DGCR2: variants seen among roughly 807,000 people sequenced by gnomAD.
DGCR2 encodes the protein integral membrane protein DGCR2/IDD.
Under a neutral mutation model 51.6 loss-of-function variants are expected in DGCR2, and 24 were observed. That is an observed-to-expected ratio of 0.47 (90% CI 0.34 to 0.65). DGCR2 has a LOEUF of 0.65. Ranked by LOEUF, DGCR2 falls within the 30% of genes least tolerant of loss-of-function variation. DGCR2 has a pLI of 0.01. For synonymous variants in DGCR2, 340 were observed against 315.4 expected, an observed-to-expected ratio of 1.08 and a Z score of -0.82; for missense variants, 765 against 772.1, an observed-to-expected ratio of 0.99 and a Z score of 0.11.
intron 2 of DGCR2, among the ~76,000 whole-genome samples, chr22:19,076,716 C>T (rs1172403504): frequency 6.9e-6 from 1 of 145,188 alleles, no homozygotes; most frequent in Non-Finnish European, 1.5e-5. Flanking sequence ...TACTCAAGTC[C>T]TTTGCACATT....
chr22:19,067,361 C>G (rs899966313), intron 3 of DGCR2, among the ~76,000 whole-genome samples: 2 of 152,106 alleles, frequency 1.3e-5, no homozygotes, highest in African/African-American at 2.4e-5. Flanking sequence ...ATTTCAATGT[C>G]ATAGGTAATT....
intron 2 of DGCR2, among the ~76,000 whole-genome samples, chr22:19,087,977 C>A (rs916977938): frequency 6.6e-6 from 1 of 152,214 alleles, no homozygotes; most frequent in African/African-American, 2.4e-5. Flanking sequence ...AGCCTTCGCA[C>A]CCTGCCTAAA....
At position 19,122,320 on chromosome 22, in the gene DGCR2, G is replaced by C; in HGVS notation, c.-114C>G. 1 of 856,430 alleles carries C rather than the reference G, an allele frequency of 1.2e-6. No individual in the cohort carries two copies. Among genetic ancestry groups the C allele is most frequent in the Non-Finnish European group, 1.7e-6 (1 of 603,260 alleles). The allele number at this position is 856,430 out of a possible 1,614,324, so 53.1% of individuals were successfully genotyped here. A position where few individuals can be genotyped will look rare whatever the true frequency, so the allele number is the denominator to read the frequency against. On this transcript the variant is annotated 5_prime_UTR_variant, in exon 1 of 10. Coordinates refer to ENST00000263196, the MANE Select transcript of DGCR2 (RefSeq NM_005137.3). ...GCGGAGCTGAACCTGGGCGAGGCGC[G>C]GAGAGGCGGCGGGAAAGAGCTTCGG...
intron 5 of DGCR2, among the ~76,000 whole-genome samples, chr22:19,060,402 C>T (rs1245982696): frequency 6.6e-6 from 1 of 152,232 alleles, no homozygotes; most frequent in African/African-American, 2.4e-5. Context: ...CACACACCTC[C>T]TGACCTCAGC....
At chr22:19,121,398 T>C (rs1471452576) in intron 1 of DGCR2, 5 of 151,998 alleles carry the variant, frequency 3.3e-5, no homozygotes, top group Non-Finnish European at 7.4e-5. Context: ...GGCCCTGCAT[T>C]TAGGGAGTTT....
chr22:19,081,172 T>C (rs2082931956), intron 2 of DGCR2, among the ~76,000 whole-genome samples: 1 of 152,238 alleles, frequency 6.6e-6, no homozygotes, highest in African/African-American at 2.4e-5. Context: ...AGAATGTATG[T>C]AGCACACATG....
rs2083443040 is a variant in DGCR2, at chr22:19,122,234, G to A, written c.-28C>T. ...ATCCTCCGTTCATCGTCCCCGGGGC[G>A]GCTGGAAGGCCGGACCAGGCCGGAC... On this transcript the variant is annotated 5_prime_UTR_variant, in exon 1 of 10. Coordinates refer to ENST00000263196, the MANE Select transcript of DGCR2 (RefSeq NM_005137.3). 1.7e-6 allele frequency: 2 copies of A among 1,172,972 alleles called. No homozygotes were observed. Among genetic ancestry groups the A allele is most frequent in the Non-Finnish European group, 2.3e-6 (2 of 882,976 alleles). The allele number at this position is 1,172,972 out of a possible 1,614,324, so 72.7% of individuals were successfully genotyped here.
intron 1 of DGCR2, among the ~76,000 whole-genome samples, chr22:19,115,698 T>C (rs1382031051): frequency 3.9e-5 from 6 of 152,240 alleles, no homozygotes; most frequent in Non-Finnish European, 8.8e-5. Flanking sequence ...GAGCAAAACG[T>C]GTATGAACAA....
chr22:19,075,911 A>T (rs1005842242), intron 2 of DGCR2, among the ~76,000 whole-genome samples: 33 of 152,170 alleles, frequency 2.2e-4, no homozygotes, highest in African/African-American at 7.7e-4. Context: ...TCTCTCTTCA[A>T]GTCTCTGCTT....
intron 2 of DGCR2, 49 bp downstream of exon 2, chr22:19,089,319 A>C: frequency 6.6e-7 from 1 of 1,517,942 alleles, no homozygotes; most frequent in Non-Finnish European, 8.9e-7. Context: ...TCACCCAGCT[A>C]CAACAAAGAG....
At chr22:19,056,436 G>A in intron 6 of DGCR2, 1 of 529,234 alleles carries the variant, frequency 1.9e-6, no homozygotes, top group East Asian at 4.3e-5. Context: ...TGCCATCCCA[G>A]AGCCAGCGCC....
chr22:19,087,805 C>G (rs1323286445), intron 2 of DGCR2, among the ~76,000 whole-genome samples: 1 of 152,000 alleles, frequency 6.6e-6, no homozygotes, highest in South Asian at 2.1e-4. Context: ...GTGCCTCAGC[C>G]TCCTGAGTAG....
At chr22:19,097,817 G>A (rs1043574290) in intron 1 of DGCR2, among the ~76,000 whole-genome samples, 2 of 152,136 alleles carry the variant, frequency 1.3e-5, no homozygotes, top group African/African-American at 4.8e-5. Flanking sequence ...TAAGGTGATG[G>A]GAGTGGGAAG....
chr22:19,075,800 A>G (rs906598289), intron 2 of DGCR2, among the ~76,000 whole-genome samples: 13 of 152,218 alleles, frequency 8.5e-5, no homozygotes, highest in African/African-American at 2.7e-4. Context: ...CTGGATGGAT[A>G]GACTACCTTG....
At chr22:19,066,362 C>T (rs577299898) in intron 3 of DGCR2, among the ~76,000 whole-genome samples, 15 of 152,054 alleles carry the variant, frequency 9.9e-5, no homozygotes, top group East Asian at 1.9e-4. Context: ...GCCAAAAGTG[C>T]GCCACTGCAC....
At chr22:19,083,289 C>T (rs1418339824) in intron 2 of DGCR2, among the ~76,000 whole-genome samples, 1 of 152,132 alleles carries the variant, frequency 6.6e-6, no homozygotes, top group Non-Finnish European at 1.5e-5. Context: ...GGAATTCAAG[C>T]TTCTTAGGTC....
intron 7 of DGCR2, 90 bp from the exon 8 acceptor site, chr22:19,042,049 C>T (rs2082439027): frequency 1.4e-6 from 2 of 1,470,652 alleles, no homozygotes; most frequent in Non-Finnish European, 1.8e-6. Flanking sequence ...CCCAGGCGGG[C>T]TGTGTGGACA....
At chr22:19,077,809 A>C (rs2082895238) in intron 2 of DGCR2, among the ~76,000 whole-genome samples, 3 of 151,510 alleles carry the variant, frequency 2.0e-5, no homozygotes, top group Admixed American at 2.0e-4. Flanking sequence ...ATGAGCATGG[A>C]ACATCTCTCA....
chr22:19,058,246 C>G (rs909046177), intron 5 of DGCR2, among the ~76,000 whole-genome samples: 2 of 152,218 alleles, frequency 1.3e-5, no homozygotes, highest in Non-Finnish European at 2.9e-5. Flanking sequence ...TCTCAGGAAG[C>G]TCTGAGACCT....
Sources: allele counts gnomAD v4.1 joint callset (sites outside exome capture counted in the v4.1 genomes callset), GRCh38; gene constraint gnomAD v4.1.1; transcripts MANE v1.5; gene names NCBI Gene and HGNC (gene_info 2026-07-23, HGNC 2026-07-21).